Variants in KCNH7 observed in about 807,000 individuals in gnomAD.
The protein encoded by KCNH7 is potassium voltage-gated channel subfamily H member 7, also known as voltage-gated inwardly rectifying potassium channel KCNH7.
KCNH7 carries 49 observed loss-of-function variants against 120.8 expected under a neutral mutation model. The ratio of observed to expected loss-of-function variants is 0.41; its 90% CI spans 0.32 to 0.51. The LOEUF (loss-of-function observed/expected upper bound fraction) is 0.51. Among genes scored for constraint, KCNH7 ranks in the 20% least tolerant of loss-of-function variants. The pLI is 0.38. For missense variants in KCNH7, 1,097 were observed against 1,446.6 expected (o/e 0.76, Z 3.92); for synonymous variants, 547 against 516.1 (o/e 1.06, Z -0.81).
chr2:162,807,737 C>G (rs1276853671), intron 2 of KCNH7, among the ~76,000 whole-genome samples: 1 of 151,988 alleles, frequency 6.6e-6, no homozygotes, highest in Admixed American at 6.6e-5. Flanking sequence ...GACTGGAGTG[C>G]AGTGGCGCAA....
At chr2:162,410,898 G>C (rs1687373052) in intron 9 of KCNH7, among the ~76,000 whole-genome samples, 3 of 152,046 alleles carry the variant, frequency 2.0e-5, no homozygotes, top group African/African-American at 7.2e-5. Flanking sequence ...ACTCCAATGA[G>C]ATACCATCTC....
At chr2:162,373,226 A>G (rs1207994678) in intron 15 of KCNH7, among the ~76,000 whole-genome samples, 1 of 152,202 alleles carries the variant, frequency 6.6e-6, no homozygotes, top group African/African-American at 2.4e-5. Context: ...TTTTAAAAAA[A>G]ATGCTAATGT....
chr2:162,502,212 C>G (rs886299506), intron 6 of KCNH7: 1 of 152,018 alleles, frequency 6.6e-6, no homozygotes, highest in Non-Finnish European at 1.5e-5. Context: ...CATTTATGCA[C>G]TCATTTATTC....
At chr2:162,623,006 A>T (rs1328454716) in intron 2 of KCNH7, among the ~76,000 whole-genome samples, 2 of 152,086 alleles carry the variant, frequency 1.3e-5, no homozygotes, top group African/African-American at 2.4e-5. Flanking sequence ...AAGGAAGTAA[A>T]TTTTTATTTC....
At chr2:162,555,129 G>C (rs999226457) in intron 2 of KCNH7, among the ~76,000 whole-genome samples, 1 of 152,190 alleles carries the variant, frequency 6.6e-6, no homozygotes, top group Admixed American at 6.5e-5. Context: ...CTGGCTGAAA[G>C]GTGGTGGCTA....
At chr2:162,376,368 GT>G (rs554245457) in intron 14 of KCNH7, among the ~76,000 whole-genome samples, 17,524 of 135,530 alleles carry the variant, frequency 0.13, 1,810 homozygotes, top group African/African-American at 0.31. Flanking sequence ...AGTGTGGTTT[GT>G]TTTTTTTTTT....
At chr2:162,421,852 T>C (rs1244334033) in intron 9 of KCNH7, among the ~76,000 whole-genome samples, 1 of 152,164 alleles carries the variant, frequency 6.6e-6, no homozygotes, top group Non-Finnish European at 1.5e-5. Flanking sequence ...TGCTACTGTT[T>C]TTGAAATAAT....
At chr2:162,823,585 C>T (rs1211680105) in intron 2 of KCNH7, among the ~76,000 whole-genome samples, 1 of 152,138 alleles carries the variant, frequency 6.6e-6, no homozygotes, top group Non-Finnish European at 1.5e-5. Context: ...CCTGGTTATA[C>T]TATAACATAG....
chr2:162,649,164 C>G lies in KCNH7; in HGVS notation c.308-112084G>C, dbSNP rs532607127. Among the ~76,000 whole-genome samples, 10 of 152,278 alleles carry G rather than the reference C, an allele frequency of 6.6e-5. No individual in the cohort carries two copies. The South Asian group carries it at 2.1e-3, about 32-fold the overall frequency. ...AAATTCACCTAAGTATTTTCTTCCT[C>G]TAATCTATTCAACAGGAAACCTCAG... On this transcript the variant is annotated intron_variant, in intron 2 of 15. Transcript: ENST00000332142.
chr2:162,481,654 G>C (rs1284494954), intron 6 of KCNH7, among the ~76,000 whole-genome samples: 5 of 152,102 alleles, frequency 3.3e-5, no homozygotes, highest in African/African-American at 1.2e-4. Context: ...ATCTTATTTG[G>C]CTTGCCTGGA....
intron 2 of KCNH7, among the ~76,000 whole-genome samples, chr2:162,734,368 T>G (rs1382954440): frequency 6.6e-6 from 1 of 152,172 alleles, no homozygotes; most frequent in East Asian, 1.9e-4. Context: ...TATGACCTTT[T>G]TATGTTTTTA....
intron 2 of KCNH7, among the ~76,000 whole-genome samples, chr2:162,672,580 A>G (rs1001605818): frequency 5.3e-5 from 8 of 152,158 alleles, no homozygotes; most frequent in Admixed American, 2.6e-4. Context: ...AACAAACTTA[A>G]GAATGTATGA....
chr2:162,730,408 T>C (rs946880304), intron 2 of KCNH7, among the ~76,000 whole-genome samples: 2 of 150,760 alleles, frequency 1.3e-5, no homozygotes, highest in African/African-American at 4.9e-5. Flanking sequence ...TCAACAAAAC[T>C]AGGAAATGCA....
intron 2 of KCNH7, among the ~76,000 whole-genome samples, chr2:162,810,303 A>T (rs1294664011): frequency 6.6e-6 from 1 of 152,204 alleles, no homozygotes; most frequent in Non-Finnish European, 1.5e-5. Flanking sequence ...TGAAAACAAT[A>T]GAAGTTATAC....
At chr2:162,638,584 G>A (rs1437025557) in intron 2 of KCNH7, among the ~76,000 whole-genome samples, 1 of 151,998 alleles carries the variant, frequency 6.6e-6, no homozygotes, top group Non-Finnish European at 1.5e-5. Flanking sequence ...CAGCATCTAA[G>A]ATCAAAAAAT....
chr2:162,628,412 G>A (rs778210094), intron 2 of KCNH7, among the ~76,000 whole-genome samples: 2 of 152,060 alleles, frequency 1.3e-5, no homozygotes, highest in Admixed American at 6.6e-5. Context: ...TGTGGGGTGA[G>A]GAATGCTCAT....
At chr2:162,589,885 C>T (rs1022091187) in intron 2 of KCNH7, among the ~76,000 whole-genome samples, 3 of 151,912 alleles carry the variant, frequency 2.0e-5, no homozygotes, top group African/African-American at 4.8e-5. Context: ...TCCATGGGTA[C>T]GTATGTTCCC....
At chr2:162,658,342 A>T (rs556576655) in intron 2 of KCNH7, among the ~76,000 whole-genome samples, 36 of 152,162 alleles carry the variant, frequency 2.4e-4, no homozygotes, top group African/African-American at 8.2e-4. Context: ...ATTTCATTGC[A>T]TGGATCTGTT....
chr2:162,829,286 T>C (rs549578397), intron 2 of KCNH7, among the ~76,000 whole-genome samples: 3 of 152,322 alleles, frequency 2.0e-5, no homozygotes, highest in Admixed American at 2.0e-4. Flanking sequence ...TTGGCAATTA[T>C]AATAATTAAT....
Sources: allele counts gnomAD v4.1 joint callset (sites outside exome capture counted in the v4.1 genomes callset), GRCh38; gene constraint gnomAD v4.1.1; transcripts MANE v1.5; gene names NCBI Gene and HGNC (gene_info 2026-07-23, HGNC 2026-07-21).